Variants in CHD3 observed in about 807,000 individuals in gnomAD.
CHD3 encodes ATP-dependent chromatin remodeler CHD3.
In CHD3, 52 loss-of-function variants were observed where a neutral mutation model predicts 248.9. The ratio of observed to expected loss-of-function variants is 0.21; its 90% CI spans 0.17 to 0.26. The LOEUF (loss-of-function observed/expected upper bound fraction) is 0.26. Ranked by LOEUF, CHD3 falls within the 10% of genes least tolerant of loss-of-function variation. The pLI is 1.00. For missense variants in CHD3, 1,482 were observed against 2,605.8 expected (o/e 0.57, Z 9.39); for synonymous variants, 985 against 985.2 (o/e 1.00, Z 0.00).
chr17:7,911,021 C>A lies in CHD3; in HGVS notation c.5881+48C>A. The A allele has an allele frequency of 6.2e-7, 1 of 1,607,212 alleles. No homozygotes were observed. The highest frequency in any genetic ancestry group is 1.1e-5 in the South Asian group (1 of 90,216). On this transcript the variant is annotated intron_variant, in intron 39 of 39. Coordinates refer to ENST00000330494, the MANE Select transcript of CHD3 (RefSeq NM_001005273.3). This position sits in a 1 kb window ranked among gnomAD's most constrained non-coding sequence, Gnocchi z 5.4. ...CCTGCTACTCACACTCCTCCTTTGC[C>A]AAACTTTATTTCTGCTCAGCTGCCC... is the stretch of plus-strand genomic sequence containing the variant.
At position 7,893,349 on chromosome 17, in the gene CHD3, C is replaced by T; in HGVS notation, c.573C>T (p.Ala191=). 6.2e-7 allele frequency: 1 copy of T among 1,613,898 alleles called. No homozygotes were observed. Among genetic ancestry groups the T allele is most frequent in the Non-Finnish European group, 8.5e-7 (1 of 1,179,940 alleles). Residue 191 remains alanine, a synonymous_variant, in exon 5 of 40, where the codon GCC becomes GCT. Transcript: ENST00000330494. The part of the protein sequence containing the change: ...PMSKMMTILG[A]KWREFSANNP... ...CTAAGATGATGACCATCCTTGGGGC[C>T]AAATGGAGAGAGTTCAGTGCCAACA...
At position 7,895,261 on chromosome 17, in the gene CHD3, G is replaced by C; in HGVS notation, c.1504-78G>C. The C allele has an allele frequency of 6.3e-7, 1 of 1,584,610 alleles. No individual in the cohort carries two copies. The highest frequency in any genetic ancestry group is 1.3e-5 in the African/African-American group (1 of 74,436). On this transcript the variant is annotated intron_variant, in intron 9 of 39. Transcript: ENST00000330494. This position sits in a 1 kb window ranked among gnomAD's most constrained non-coding sequence, Gnocchi z 4.9. The stretch of plus-strand genomic sequence containing the variant: ...TTCTCTGCACTCCCCCACCCTTGTG[G>C]GACCCCTATCTTCTCATCTAACAAT...
At chr17:7,886,770 G>A (rs958925123), upstream of CHD3, among the ~76,000 whole-genome samples, 1 of 152,092 alleles carries the variant, frequency 6.6e-6, no homozygotes, top group Non-Finnish European at 1.5e-5. The surrounding 1 kb of genome is among the most constrained non-coding windows in gnomAD (Gnocchi z 4.2). Context: ...GTCCTGCCAG[G>A]GGCTTGGCAG....
At position 7,905,075 on chromosome 17, in the gene CHD3, C is replaced by CACTG. The variant is rs1335118826; in HGVS notation, c.4073-24_4073-21dup. 6.2e-7 allele frequency: 1 copy of CACTG among 1,611,886 alleles called. No individual in the cohort carries two copies. Among genetic ancestry groups the CACTG allele is most frequent in the African/African-American group, 1.3e-5 (1 of 74,970 alleles). On this transcript the variant is annotated intron_variant, in intron 25 of 39. Coordinates refer to ENST00000330494, the MANE Select transcript of CHD3 (RefSeq NM_001005273.3). This position sits in a 1 kb window ranked among gnomAD's most constrained non-coding sequence, Gnocchi z 5.8. ...GCATATCCCGAGAGCCCTCCCTGAC[C>CACTG]ACTGGGCCCTTTCCACCCCCACAGA... is the stretch of plus-strand genomic sequence containing the variant.
At position 7,899,310 on chromosome 17, in the gene CHD3, T is replaced by C; in HGVS notation, c.2344-33T>C. The stretch of plus-strand genomic sequence containing the variant: ...GGACTAGGGTATACGGCCTCTAGCC[T>C]AGACTTATGCTGCCCCCATTCTTGA... On this transcript the variant is annotated intron_variant, in intron 14 of 39. Transcript: ENST00000330494. This position sits in a 1 kb window ranked among gnomAD's most constrained non-coding sequence, Gnocchi z 6.8. 1 of 1,612,094 alleles carries C rather than the reference T, an allele frequency of 6.2e-7. No individual in the cohort carries two copies. The highest frequency in any genetic ancestry group is 8.5e-7 in the Non-Finnish European group (1 of 1,178,292).
chr17:7,903,701 C>A lies in CHD3; in HGVS notation c.3728-124C>A. 1.7e-6 allele frequency: 2 copies of A among 1,168,754 alleles called. No homozygotes were observed. Among genetic ancestry groups the A allele is most frequent in the Non-Finnish European group, 1.2e-6 (1 of 834,652 alleles). 72.4% of individuals were successfully genotyped at this position (1,168,754 alleles called of 1,614,324 possible). A position where few individuals can be genotyped will look rare whatever the true frequency, so the allele number is the denominator to read the frequency against. On this transcript the variant is annotated intron_variant, in intron 23 of 39. Coordinates refer to ENST00000330494, the MANE Select transcript of CHD3 (RefSeq NM_001005273.3). This position sits in a 1 kb window ranked among gnomAD's most constrained non-coding sequence, Gnocchi z 6.8. ...AACAAACAAAACAAAAACCTTTCAA[C>A]ATTGGCTCCCGGGGAAAAAGCCTTC...
Position 7,898,591 on chromosome 17 carries a change from A to C in CHD3, c.2147A>C (p.Asn716Thr), listed in dbSNP as rs760728006. 22 of 1,609,454 alleles carry C rather than the reference A, an allele frequency of 1.4e-5. No homozygotes were observed. The East Asian group carries it at 4.7e-4, about 34-fold the overall frequency. Residue 716 changes from asparagine to threonine, a missense_variant, in exon 13 of 40, where the codon AAT becomes ACT. Around this residue, in one of 20 missense-constraint regions of CHD3, gnomAD observed 127 missense variants for 188.3 expected, o/e 0.67. Transcript: ENST00000330494. ...GATGGGCCTCCCAGTTCTCCCACTA[A>C]TGATGTGAGTCCTCTCAGTTGTCAT... ...QGDGPPSSPT[N>T]DPTVKYETQP...
rs2151515891 is a variant in CHD3 at position 7,895,217 on chromosome 17, C to T, written c.1503+67C>T. 1.3e-5 allele frequency: 20 copies of T among 1,585,552 alleles called. No homozygotes were observed. Among genetic ancestry groups the T allele is most frequent in the Admixed American group, 1.2e-4 (7 of 58,658 alleles). On this transcript the variant is annotated intron_variant, in intron 9 of 39. Coordinates refer to ENST00000330494, the MANE Select transcript of CHD3 (RefSeq NM_001005273.3). The surrounding 1 kb of genome is among the most constrained non-coding windows in gnomAD (Gnocchi z 4.9). ...GATCCCTTCCCCCATCCCTGGGGCC[C>T]ACATGTCCAGCTTTTCATTTCTCTG...
At chr17:7,894,341 T>G in intron 7 of CHD3, 74 bp from the exon 8 acceptor site, 1 of 1,590,602 alleles carries the variant, frequency 6.3e-7, no homozygotes, top group Non-Finnish European at 8.6e-7. Context: ...GACTTCTCTC[T>G]TCAACCCTTC....
At chr17:7,887,843 G>A (rs540450812), upstream of CHD3, among the ~76,000 whole-genome samples, 2 of 152,368 alleles carry the variant, frequency 1.3e-5, no homozygotes, top group African/African-American at 2.4e-5. Context: ...CTGAGACCGA[G>A]GTTGGGACTT....
intron 20 of CHD3, among the ~76,000 whole-genome samples, 199 bp from the exon 21 acceptor site, chr17:7,902,411 A>G (rs958188071): frequency 6.6e-6 from 1 of 151,368 alleles, no homozygotes; most frequent in Non-Finnish European, 1.5e-5. Context: ...ACAGAATGAG[A>G]CTCCATCTCA....
rs771014049 is a variant in CHD3 at position 7,895,396 on chromosome 17, C to T, written c.1561C>T (p.Pro521Ser). 6 of 1,614,166 alleles carry T rather than the reference C, an allele frequency of 3.7e-6. No homozygotes were observed. Among genetic ancestry groups the T allele is most frequent in the Admixed American group, 1.7e-5 (1 of 60,022 alleles). Reference protein sequence around the residue: ...KILHWRWGEPPVAVPAPQQAD... With the variant: ...KILHWRWGEPSVAVPAPQQAD... ...CCTACATTGGCGGTGGGGGGAGCCA[C>T]CTGTAGCAGTGCCAGCCCCTCAACA... Residue 521 changes from proline to serine, a missense_variant, in exon 10 of 40, where the codon CCT (proline) becomes TCT (serine). Pro to Ser is a moderately conservative substitution (Grantham distance 74). This residue lies in a region of CHD3 where 138 missense variants were observed against 241.1 expected (regional missense o/e 0.57). Coordinates refer to ENST00000330494, the MANE Select transcript of CHD3 (RefSeq NM_001005273.3). The surrounding 1 kb of genome is among the most constrained non-coding windows in gnomAD (Gnocchi z 4.9).
chr17:7,894,682 C>T (rs1231079814), intron 8 of CHD3, 74 bp downstream of exon 8: 1 of 1,489,646 alleles, frequency 6.7e-7, no homozygotes, highest in African/African-American at 1.4e-5. Flanking sequence ...TTCACTTACC[C>T]TCTTCCTGCC....
upstream of CHD3, chr17:7,885,337 G>GCCGCCGCCGCCGCCGCCA (rs1967705077): frequency 5.5e-6 from 1 of 180,740 alleles, no homozygotes; most frequent in Admixed American, 6.8e-5. Flanking sequence ...CGCCGCCGCC[G>GCCGCCGCCGCCGCCGCCA]CCGCCGCCAC....
Position 7,908,257 on chromosome 17 carries a change from T to C in CHD3, c.5153-145T>C, listed in dbSNP as rs1165844284. On this transcript the variant is annotated intron_variant, in intron 34 of 39. Transcript: ENST00000330494. The surrounding 1 kb of genome is among the most constrained non-coding windows in gnomAD (Gnocchi z 5.8). ...TAACGAACCTGGTTAGAACTGAGTT[T>C]GTTCCAAACCTAACCTTTACCCATT... is the stretch of plus-strand genomic sequence containing the variant. 3.6e-6 allele frequency: 3 copies of C among 836,864 alleles called. No homozygotes were observed. In the Admixed American group the frequency reaches 8.2e-5, roughly 23 times the overall value. The allele number at this position is 836,864 out of a possible 1,614,324, so 51.8% of individuals were successfully genotyped here. A position where few individuals can be genotyped will look rare whatever the true frequency, so the allele number is the denominator to read the frequency against.
At chr17:7,885,307 C>CCCGTCGCACCCCTCCCCCGCCGCCGCCG (rs1967663890), upstream of CHD3, 1 of 157,218 alleles carries the variant, frequency 6.4e-6, no homozygotes, top group African/African-American at 2.7e-5. Flanking sequence ...GCACCCCTCC[C>CCCGTCGCACCCCTCCCCCGCCGCCGCCG]CCGCCGCCGC....
Position 7,909,083 on chromosome 17 carries a change from C to A in CHD3, c.5395-60C>A. 1 of 1,546,298 alleles carries A rather than the reference C, an allele frequency of 6.5e-7. No homozygotes were observed. Among genetic ancestry groups the A allele is most frequent in the African/African-American group, 1.4e-5 (1 of 73,062 alleles). The stretch of plus-strand genomic sequence containing the variant: ...TGGGTCTCTTGCTATGTCCGCCCCC[C>A]CAGCCCCTCACCCACTGCTGGCAGA... On this transcript the variant is annotated intron_variant, in intron 36 of 39. Transcript: ENST00000330494. This position sits in a 1 kb window ranked among gnomAD's most constrained non-coding sequence, Gnocchi z 8.1.
At position 7,908,991 on chromosome 17, in the gene CHD3, A is replaced by C; in HGVS notation, c.5395-152A>C. 1 of 1,375,102 alleles carries C rather than the reference A, an allele frequency of 7.3e-7. No homozygotes were observed. Among genetic ancestry groups the C allele is most frequent in the Non-Finnish European group, 1.0e-6 (1 of 1,000,744 alleles). The allele number at this position is 1,375,102 out of a possible 1,614,324, so 85.2% of individuals were successfully genotyped here. A position where few individuals can be genotyped will look rare whatever the true frequency, so the allele number is the denominator to read the frequency against. ...TGTGCTTGGGAGTGTGATCTGGGTC[A>C]GGGTTGCTGCTAGGTTCGCAGTCGG... On this transcript the variant is annotated intron_variant, in intron 36 of 39. Transcript: ENST00000330494. This position sits in a 1 kb window ranked among gnomAD's most constrained non-coding sequence, Gnocchi z 5.8.
Position 7,904,367 on chromosome 17 carries a change from G to T in CHD3, c.3895-75G>T. The T allele has an allele frequency of 7.1e-7, 1 of 1,414,012 alleles. No homozygotes were observed. Among genetic ancestry groups the T allele is most frequent in the African/African-American group, 1.4e-5 (1 of 70,744 alleles). The allele number at this position is 1,414,012 out of a possible 1,614,324, so 87.6% of individuals were successfully genotyped here. A position where few individuals can be genotyped will look rare whatever the true frequency, so the allele number is the denominator to read the frequency against. On this transcript the variant is annotated intron_variant, in intron 24 of 39. Coordinates refer to ENST00000330494, the MANE Select transcript of CHD3 (RefSeq NM_001005273.3). This position sits in a 1 kb window ranked among gnomAD's most constrained non-coding sequence, Gnocchi z 4.4. Reference sequence around the variant, plus strand: ...GACCGGATTGGGCTGACGCAGCAGAGTAGGGATTTCCTTGCAGTGGAAGGA... The same window carrying T: ...GACCGGATTGGGCTGACGCAGCAGATTAGGGATTTCCTTGCAGTGGAAGGA...
Sources: allele counts gnomAD v4.1 joint callset (sites outside exome capture counted in the v4.1 genomes callset), GRCh38; gene constraint gnomAD v4.1.1; regional missense constraint gnomAD v4.1.1; non-coding constraint Gnocchi (gnomAD v3.1); transcripts MANE v1.5; gene names NCBI Gene and HGNC (gene_info 2026-07-23, HGNC 2026-07-21).